Variants in DTX4 observed in about 807,000 individuals in gnomAD.
The protein encoded by DTX4 is E3 ubiquitin-protein ligase DTX4.
In DTX4, 28 loss-of-function variants were observed where a neutral mutation model predicts 57.6. The observed-to-expected ratio is 0.49, with a 90% CI of 0.36 to 0.67. The LOEUF (loss-of-function observed/expected upper bound fraction) is 0.67. Among genes scored for constraint, DTX4 ranks in the 30% least tolerant of loss-of-function variants. The pLI, the probability that DTX4 is intolerant of heterozygous loss-of-function variation, is 0.00. For missense variants in DTX4, 715 were observed against 836.8 expected (o/e 0.85, Z 1.80); for synonymous variants, 316 against 331.0 (o/e 0.95, Z 0.49).
chr11:59,188,657 C>A, intron 2 of DTX4, 78 bp from the exon 3 acceptor site: 1 of 1,277,806 alleles, frequency 7.8e-7, no homozygotes, highest in Non-Finnish European at 1.1e-6. Flanking sequence ...CACTTAACTG[C>A]ATTTTATTAG....
chr11:59,182,544 G>C, intron 2 of DTX4, 82 bp downstream of exon 2: 19 of 1,443,416 alleles, frequency 1.3e-5, no homozygotes, highest in Non-Finnish European at 1.7e-5. Flanking sequence ...AGAAGGAGGG[G>C]CTGCCAAGAC....
chr11:59,189,413 G>A (rs1353213000), intron 4 of DTX4, 90 bp downstream of exon 4: 22 of 1,306,176 alleles, frequency 1.7e-5, no homozygotes, highest in South Asian at 9.2e-5. Context: ...TCATAGCCAC[G>A]GCTTCACCCT....
intron 8 of DTX4, among the ~76,000 whole-genome samples, chr11:59,201,426 G>C (rs951224010): frequency 6.6e-6 from 1 of 152,174 alleles, no homozygotes; most frequent in Admixed American, 6.5e-5. Context: ...CCATGGAAGG[G>C]GGCAGAGGAC....
chr11:59,195,150 G>T, intron 6 of DTX4, 58 bp from the exon 7 acceptor site: 1 of 1,587,800 alleles, frequency 6.3e-7, no homozygotes, highest in Non-Finnish European at 8.6e-7. Context: ...GGGACTGGGT[G>T]GGAAAGTTAT....
chr11:59,183,921 G>A (rs1862496303), intron 2 of DTX4, among the ~76,000 whole-genome samples: 4 of 152,214 alleles, frequency 2.6e-5, no homozygotes. Context: ...CAGACATCCT[G>A]CTCAGAATTG....
In DTX4 at chr11:59,192,126, C is replaced by T. The variant is rs769175775; in HGVS notation, c.1250C>T (p.Thr417Met). 1.2e-5 allele frequency: 20 copies of T among 1,613,592 alleles called. No homozygotes were observed. Among genetic ancestry groups the T allele is most frequent in the East Asian group, 8.9e-5 (4 of 44,870 alleles). Reference sequence around the variant, plus strand: ...TGCACCATCTGTATGGAACGCCTCACGGCCCCCTCAGGCTACAAGGGCCCG... The same window carrying T: ...TGCACCATCTGTATGGAACGCCTCATGGCCCCCTCAGGCTACAAGGGCCCG... ...EDCTICMERLTAPSGYKGPQP... is the reference protein window; with the variant it reads ...EDCTICMERLMAPSGYKGPQP... The change falls in exon 6 of 9, where the codon ACG becomes ATG. Residue 417 changes from threonine to methionine, a missense_variant. Physicochemically the swap from Thr to Met is moderately conservative, Grantham distance 81 (BLOSUM62 -1). Coordinates refer to ENST00000227451, the MANE Select transcript of DTX4 (RefSeq NM_015177.2).
rs1047159938 is a variant in DTX4, at chr11:59,184,263, C to G, written c.935+1801C>G. Among the ~76,000 whole-genome samples the G allele has an allele frequency of 2.6e-5, 4 of 152,168 alleles. No homozygotes were observed. The South Asian group carries it at 8.3e-4, about 32-fold the overall frequency. On this transcript the variant is annotated intron_variant, in intron 2 of 8. Coordinates refer to ENST00000227451, the MANE Select transcript of DTX4 (RefSeq NM_015177.2). ...GAGGCTCCTGTGCTGGGTAAGAACC[C>G]GTCCTCCAGAAACTAGGACTGTCTG...
chr11:59,204,829 G>A lies in DTX4; in HGVS notation c.1780G>A (p.Ala594Thr), dbSNP rs779843162. 2.3e-5 allele frequency: 37 copies of A among 1,610,788 alleles called. No individual in the cohort carries two copies. Among genetic ancestry groups the A allele is most frequent in the Non-Finnish European group, 2.8e-5 (33 of 1,178,406 alleles). The change falls in exon 9 of 9, where the codon GCC (alanine) becomes ACC (threonine). Residue 594 changes from alanine to threonine, a missense_variant. Transcript: ENST00000227451. Reference sequence around the variant, plus strand: ...TCTCACTGGCCATGGCTACCCAGATGCCAATTACCTGGATAATGTGCTGGC... The same window carrying A: ...TCTCACTGGCCATGGCTACCCAGATACCAATTACCTGGATAATGTGCTGGC... Reference protein sequence around the residue: ...SNLTGHGYPDANYLDNVLAEL... With the variant: ...SNLTGHGYPDTNYLDNVLAEL...
chr11:59,185,631 C>T (rs1430887025), intron 2 of DTX4, among the ~76,000 whole-genome samples: 1 of 152,142 alleles, frequency 6.6e-6, no homozygotes, highest in African/African-American at 2.4e-5. Context: ...ATGGGCTGTT[C>T]TCCAAGGTTT....
rs1590977337 is a variant in DTX4, at chr11:59,174,836, C to T, written c.211+2030C>T. 2.0e-5 allele frequency among the ~76,000 whole-genome samples: 3 copies of T among 152,276 alleles called. No individual in the cohort carries two copies. The South Asian group carries it at 6.2e-4, about 32-fold the overall frequency. ...TTAAACCTCAGGCAGAGAACTTGCC[C>T]TGAATCATTTTAAAGGCTGCCTCAG... On this transcript the variant is annotated intron_variant, in intron 1 of 8. Transcript: ENST00000227451.
rs142525798 is a variant in DTX4 at position 59,185,865 on chromosome 11, T to C, written c.936-2870T>C. Among the ~76,000 whole-genome samples the C allele has an allele frequency of 1.2e-3, 190 of 152,290 alleles. 1 individual carries two copies. The highest frequency in any genetic ancestry group is 4.3e-3 in the African/African-American group (179 of 41,562). ...GTTTACAGTTAGTTGACCTAGTTCC[T>C]AAATCCTCACAGGGACCCCATGGGG... On this transcript the variant is annotated intron_variant, in intron 2 of 8. Transcript: ENST00000227451.
intron 6 of DTX4, chr11:59,194,971 T>C: frequency 1.8e-6 from 1 of 552,924 alleles, no homozygotes; most frequent in East Asian, 3.2e-5. Context: ...CAGGGGCTTC[T>C]CTTACATATC....
At chr11:59,203,677 T>C (rs1259449316) in intron 8 of DTX4, among the ~76,000 whole-genome samples, 2 of 152,264 alleles carry the variant, frequency 1.3e-5, no homozygotes, top group South Asian at 2.1e-4. Context: ...AAGTACAGTA[T>C]AGTAAGTACA....
intron 3 of DTX4, 42 bp downstream of exon 3, chr11:59,188,838 T>G (rs1258968033): frequency 5.2e-6 from 8 of 1,544,462 alleles, no homozygotes; most frequent in Non-Finnish European, 7.1e-6. Context: ...GGTAGAGAAA[T>G]CAGAGTGATG....
At chr11:59,203,917 T>G (rs1432183492) in intron 8 of DTX4, among the ~76,000 whole-genome samples, 1 of 152,202 alleles carries the variant, frequency 6.6e-6, no homozygotes, top group African/African-American at 2.4e-5. Context: ...TATGGTTTCC[T>G]CTCCTCCAGC....
At chr11:59,185,332 T>C (rs541568656) in intron 2 of DTX4, 1 of 152,204 alleles carries the variant, frequency 6.6e-6, no homozygotes, top group East Asian at 1.9e-4. Flanking sequence ...AGAGATATAC[T>C]CCCTCCCTCA....
chr11:59,205,151 C>T lies in DTX4; in HGVS notation c.*242C>T. 8 of 477,044 alleles carry T rather than the reference C, an allele frequency of 1.7e-5. No individual in the cohort carries two copies. In the South Asian group the frequency reaches 1.8e-4, roughly 11 times the overall value. 29.6% of individuals were successfully genotyped at this position (477,044 alleles called of 1,614,324 possible). ...GATGAGGGCCATCCTGGGTCTGTTC[C>T]CATGGAGTTTTTGGTGCTGGGTAGG... On this transcript the variant is annotated 3_prime_UTR_variant, in exon 9 of 9. Coordinates refer to ENST00000227451, the MANE Select transcript of DTX4 (RefSeq NM_015177.2).
At chr11:59,188,857 C>T in intron 3 of DTX4, 61 bp downstream of exon 3, 1 of 1,445,210 alleles carries the variant, frequency 6.9e-7, no homozygotes, top group Non-Finnish European at 9.6e-7. Context: ...TGAAATAGGT[C>T]ATGAGCATTT....
At chr11:59,188,904 G>A (rs1862561672) in intron 3 of DTX4, 108 bp downstream of exon 3, 1 of 1,142,706 alleles carries the variant, frequency 8.8e-7, no homozygotes. Flanking sequence ...ATTAATGAAA[G>A]CAAATGGTGA....
Sources: gnomAD v4.1 joint callset for allele counts (sites outside exome capture counted in the v4.1 genomes callset) on GRCh38, gnomAD v4.1.1 for gene constraint, MANE v1.5 for transcripts, NCBI Gene and HGNC (gene_info 2026-07-23, HGNC 2026-07-21) for gene names.